The following GPC4 variants were observed in gnomAD, a reference collection of about 807,000 sequenced individuals.
GPC4 encodes glypican 4.
GPC4 carries 10 observed loss-of-function variants against 35.0 expected under a neutral mutation model. The ratio of observed to expected loss-of-function variants is 0.29; its 90% CI spans 0.18 to 0.48. GPC4 has a LOEUF of 0.48. Ranked by LOEUF, GPC4 falls within the 20% of genes least tolerant of loss-of-function variation. GPC4 has a pLI of 0.99. For missense variants in GPC4, 322 were observed against 451.3 expected (o/e 0.71, Z 2.60); for synonymous variants, 167 against 170.2 (o/e 0.98, Z 0.15).
chrX:133,351,545 T>C (rs1375070254), intron 1 of GPC4, among the ~76,000 whole-genome samples: 1 of 110,884 alleles, frequency 9.0e-6, no homozygotes, highest in Non-Finnish European at 1.9e-5. Flanking sequence ...AAGTTTTCAA[T>C]GTCCTCAGCC....
intron 1 of GPC4, 158 bp downstream of exon 1, chrX:133,414,648 G>C: frequency 2.7e-6 from 2 of 754,299 alleles, no homozygotes; most frequent in Non-Finnish European, 3.1e-6. Context: ...GGGCTGCCTG[G>C]CTCTCTCGCT....
chrX:133,322,733 T>C (rs745495617), intron 3 of GPC4, among the ~76,000 whole-genome samples: 16 of 112,390 alleles, frequency 1.4e-4, no homozygotes, highest in Non-Finnish European at 2.8e-4. Flanking sequence ...CCAGTTTTTA[T>C]GCTGTCCATT....
chrX:133,362,967 C>A (rs1236799619), intron 1 of GPC4, among the ~76,000 whole-genome samples: 1 of 111,262 alleles, frequency 9.0e-6, no homozygotes, highest in Admixed American at 9.6e-5. Context: ...AAGGGTGTTC[C>A]TTCTGGAAAA....
At chrX:133,372,114 T>C (rs1021152050) in intron 1 of GPC4, among the ~76,000 whole-genome samples, 2 of 108,050 alleles carry the variant, frequency 1.9e-5, no homozygotes, top group Non-Finnish European at 3.8e-5. Flanking sequence ...GCACTTGTAA[T>C]CCCAGCTACT....
intron 1 of GPC4, among the ~76,000 whole-genome samples, chrX:133,382,497 G>C (rs988478781): frequency 9.5e-5 from 10 of 105,466 alleles, no homozygotes; most frequent in African/African-American, 1.8e-4. Flanking sequence ...GGGAGGCCAA[G>C]GCGGGTGGAT....
intron 1 of GPC4, among the ~76,000 whole-genome samples, chrX:133,375,147 A>C (rs1444456619): frequency 8.9e-6 from 1 of 112,108 alleles, no homozygotes; most frequent in African/African-American, 3.2e-5. Flanking sequence ...AATCATTGAA[A>C]TTCTGCCAAC....
Position 133,305,867 on chromosome X carries a change from G to A in GPC4, c.1060C>T (p.Arg354Cys), listed in dbSNP as rs2068288182. 10 of 1,211,559 alleles carry A rather than the reference G, an allele frequency of 8.3e-6. No individual in the cohort carries two copies. The highest frequency in any genetic ancestry group is 7.8e-6 in the Non-Finnish European group (7 of 895,428). The change falls in exon 6 of 9, where the codon CGT (arginine) becomes TGT (cysteine). Residue 354 changes from arginine (R) to cysteine (C), a missense_variant. Physicochemically the swap from Arg to Cys is radical, Grantham distance 180. Transcript: ENST00000370828. ...CTGAAGGCACTTTCAGAGATGGAACGAGAAATTCGTCCAGCTGGGAGGGGC... is the reference window on the plus strand; with the variant it reads ...CTGAAGGCACTTTCAGAGATGGAACAAGAAATTCGTCCAGCTGGGAGGGGC... ...PKPLPAGRIS[R>C]SISESAFSAR...
intron 1 of GPC4, among the ~76,000 whole-genome samples, chrX:133,394,226 C>T (rs2068732088): frequency 2.7e-5 from 3 of 109,338 alleles, no homozygotes; most frequent in South Asian, 4.0e-4. Context: ...GCCGAGACTG[C>T]GCCACTTCAC....
chrX:133,327,636 AGTGT>A (rs557359106), intron 2 of GPC4, among the ~76,000 whole-genome samples: 5,024 of 83,126 alleles, frequency 0.06, 147 homozygotes, highest in East Asian at 0.17. Context: ...TGTCCAGGAA[AGTGT>A]GTGTGTGTGT....
intron 2 of GPC4, among the ~76,000 whole-genome samples, chrX:133,331,455 T>C (rs893300080): frequency 1.8e-5 from 2 of 111,740 alleles, no homozygotes; most frequent in African/African-American, 6.5e-5. Context: ...TAATAGAGTC[T>C]ATCTGTTAAT....
chrX:133,312,116 GGGCTTT>G (rs1489115372), intron 3 of GPC4, among the ~76,000 whole-genome samples: 2 of 111,219 alleles, frequency 1.8e-5, no homozygotes, highest in Non-Finnish European at 3.8e-5. Flanking sequence ...GAAAGAGGTG[GGGCTTT>G]GGTTAAATTT....
intron 2 of GPC4, among the ~76,000 whole-genome samples, chrX:133,337,481 C>A (rs938049157): frequency 9.0e-6 from 1 of 111,642 alleles, no homozygotes; most frequent in African/African-American, 3.3e-5. Flanking sequence ...AGGTGACTTG[C>A]AGTAGAAGGC....
chrX:133,316,470 C>G (rs2068338849), intron 3 of GPC4, among the ~76,000 whole-genome samples: 1 of 111,342 alleles, frequency 9.0e-6, no homozygotes, highest in African/African-American at 3.3e-5. Flanking sequence ...CTAATCCTTT[C>G]ACCAGAGCTC....
intron 1 of GPC4, among the ~76,000 whole-genome samples, chrX:133,411,562 T>C (rs2068813264): frequency 9.0e-6 from 1 of 111,392 alleles, no homozygotes; most frequent in African/African-American, 3.3e-5. Context: ...CTTCTCGTCA[T>C]CTGTATCGCT....
intron 1 of GPC4, among the ~76,000 whole-genome samples, chrX:133,377,856 G>C (rs182530030): frequency 2.6e-4 from 26 of 100,938 alleles, no homozygotes; most frequent in African/African-American, 9.4e-4. Context: ...TCTGTTTAAA[G>C]TATACCATAC....
intron 1 of GPC4, among the ~76,000 whole-genome samples, chrX:133,393,182 G>T (rs2068727606): frequency 8.9e-6 from 1 of 112,084 alleles, no homozygotes; most frequent in Admixed American, 9.5e-5. Flanking sequence ...TGCTTTCTAG[G>T]AAGTTCTGTT....
chrX:133,363,019 G>A (rs780037769), intron 1 of GPC4, among the ~76,000 whole-genome samples: 19 of 112,136 alleles, frequency 1.7e-4, no homozygotes, highest in Non-Finnish European at 3.6e-4. Flanking sequence ...AGAGAGCTGG[G>A]AATGCCATGG....
intron 1 of GPC4, among the ~76,000 whole-genome samples, chrX:133,381,026 C>T (rs976502894): frequency 9.0e-6 from 1 of 111,410 alleles, no homozygotes; most frequent in Non-Finnish European, 1.9e-5. Context: ...CTGCACTCCT[C>T]CCTCAACATA....
At chrX:133,369,875 A>AC (rs2068604992) in intron 1 of GPC4, among the ~76,000 whole-genome samples, 2 of 111,233 alleles carry the variant, frequency 1.8e-5, no homozygotes, top group Non-Finnish European at 3.8e-5. Flanking sequence ...TTAACAACCC[A>AC]CCATTCAAGA....
Sources: gnomAD v4.1 joint callset for allele counts (sites outside exome capture counted in the v4.1 genomes callset) on GRCh38, gnomAD v4.1.1 for gene constraint, MANE v1.5 for transcripts, NCBI Gene and HGNC (gene_info 2026-07-23, HGNC 2026-07-21) for gene names.